Variants in PAK6 observed in about 807,000 individuals in gnomAD.
PAK6 encodes the protein serine/threonine-protein kinase PAK 6.
In PAK6, 33 loss-of-function variants were observed where a neutral mutation model predicts 60.8. The ratio of observed to expected loss-of-function variants is 0.54; its 90% confidence interval spans 0.41 to 0.73. The LOEUF (loss-of-function observed/expected upper bound fraction) is 0.73, where lower values mean the gene tolerates loss of function less well. Among genes scored for constraint, PAK6 ranks in the 30% least tolerant of loss-of-function variants. The pLI is 0.00. For synonymous variants in PAK6, 404 were observed against 378.5 expected, an observed-to-expected ratio of 1.07 and a Z score of -0.78; for missense variants, 845 against 904.1, an observed-to-expected ratio of 0.93 and a Z score of 0.84.
exon 8 of PAK6, chr15:40,273,425 C>T (rs1423018143): frequency 6.2e-7 from 1 of 1,613,980 alleles, no homozygotes; most frequent in Non-Finnish European, 8.5e-7. Context: ...GGGTGTCATC[C>T]ACCGGGACAT....
At chr15:40,243,468 G>A (rs1473116252) in intron 2 of PAK6, among the ~76,000 whole-genome samples, 1 of 152,190 alleles carries the variant, frequency 6.6e-6, no homozygotes, top group African/African-American at 2.4e-5. Context: ...GATTAAATAA[G>A]ATAATAAGTG....
At chr15:40,241,454 G>A (rs957781181) in intron 2 of PAK6, among the ~76,000 whole-genome samples, 2 of 109,542 alleles carry the variant, frequency 1.8e-5, no homozygotes, top group South Asian at 3.4e-4. Flanking sequence ...TCAGCCCCAC[G>A]GGAGCTCATC....
At chr15:40,258,497 T>A (rs1359201898) in intron 3 of PAK6, 4 of 152,256 alleles carry the variant, frequency 2.6e-5, no homozygotes, top group African/African-American at 9.6e-5. Flanking sequence ...GAGGGTTAAA[T>A]GAGCTAACCC....
intron 2 of PAK6, among the ~76,000 whole-genome samples, 199 bp downstream of exon 2, chr15:40,240,880 T>C (rs2038309996): frequency 6.6e-6 from 1 of 152,186 alleles, no homozygotes; most frequent in South Asian, 2.1e-4. Flanking sequence ...CCAGCTGGTC[T>C]CTGGCTCCCT....
chr15:40,272,324 C>T (rs965694957), exon 6 of PAK6: 37 of 1,613,870 alleles, frequency 2.3e-5, no homozygotes, highest in Non-Finnish European at 2.9e-5. Context: ...ACCTTCAGCC[C>T]TCTGACCACT....
intron 2 of PAK6, among the ~76,000 whole-genome samples, chr15:40,240,958 CA>C (rs1486649861): frequency 4.6e-5 from 7 of 152,218 alleles, no homozygotes; most frequent in Admixed American, 3.3e-4. Context: ...GCCACCGGGA[CA>C]CCCCTATCCA....
intron 9 of PAK6, 196 bp downstream of exon 9, chr15:40,273,872 T>C: frequency 1.4e-6 from 1 of 718,748 alleles, no homozygotes; most frequent in Non-Finnish European, 2.3e-6. Flanking sequence ...CTGCAAGTGC[T>C]TTCCTCAGCT....
exon 6 of PAK6, chr15:40,272,417 C>T (rs755041870): frequency 6.2e-7 from 1 of 1,613,372 alleles, no homozygotes; most frequent in East Asian, 2.2e-5. Flanking sequence ...CCAGCGGGAT[C>T]CCCCCGCACC....
rs111925292 is a variant in PAK6, at chr15:40,263,638, A to C, written c.-5-1143A>C. Among the ~76,000 whole-genome samples, 972 of 151,588 alleles carry C rather than the reference A, an allele frequency of 6.4e-3. 12 individuals are homozygous for C. Among genetic ancestry groups the C allele is most frequent in the African/African-American group, 0.021 (859 of 40,894 alleles). The stretch of plus-strand genomic sequence containing the variant: ...TGTTTTATTGTTTGTTTTTTGAGAC[A>C]GAGTCTCATTCTGTTGCCCAGGCTG... On this transcript the variant is annotated intron_variant, in intron 3 of 10. Transcript: ENST00000560346.
chr15:40,275,866 A>C, intron 10 of PAK6, 61 bp from the exon 11 acceptor site: 1 of 1,483,824 alleles, frequency 6.7e-7, no homozygotes. Flanking sequence ...AAGTCCAGGC[A>C]ATCAGGTCAC....
intron 10 of PAK6, among the ~76,000 whole-genome samples, chr15:40,275,576 C>A (rs991360872): frequency 9.9e-5 from 15 of 152,208 alleles, no homozygotes; most frequent in Admixed American, 8.5e-4. Context: ...TGAGCCACTG[C>A]GCCCAGCGAC....
intron 5 of PAK6, among the ~76,000 whole-genome samples, chr15:40,269,448 A>G (rs891270874): frequency 1.3e-5 from 2 of 152,240 alleles, no homozygotes; most frequent in Non-Finnish European, 2.9e-5. Context: ...CTGTAAATGT[A>G]TGCATGACTC....
exon 4 of PAK6, chr15:40,264,921 A>T (rs766638892): frequency 6.2e-6 from 10 of 1,613,710 alleles, no homozygotes; most frequent in African/African-American, 1.3e-5. Flanking sequence ...CATCCTGGAC[A>T]CACTGCGGCG....
At chr15:40,249,953 A>G (rs1286505466) in intron 2 of PAK6, among the ~76,000 whole-genome samples, 2 of 152,246 alleles carry the variant, frequency 1.3e-5, no homozygotes, top group Non-Finnish European at 2.9e-5. Context: ...CCCAATTTGT[A>G]GAATGGGAGT....
chr15:40,252,237 C>G, intron 2 of PAK6: 1 of 1,189,328 alleles, frequency 8.4e-7, no homozygotes, highest in African/African-American at 1.6e-5. Flanking sequence ...GGCTCTGGAG[C>G]GTGCATCTGC....
At chr15:40,264,690 A>C (rs1292621266) in intron 3 of PAK6, 91 bp from the exon 4 acceptor site, 1 of 1,017,304 alleles carries the variant, frequency 9.8e-7, no homozygotes, top group African/African-American at 1.6e-5. Flanking sequence ...GTGCTGGGGG[A>C]GGGGAGGGAG....
At chr15:40,259,856 A>T (rs2038939760) in intron 3 of PAK6, 1 of 151,060 alleles carries the variant, frequency 6.6e-6, no homozygotes, top group Non-Finnish European at 1.5e-5. Context: ...AGGAAAACTT[A>T]GAAAAAGAGT....
At chr15:40,264,398 G>A in intron 3 of PAK6, 1 of 464,322 alleles carries the variant, frequency 2.2e-6, no homozygotes, top group South Asian at 1.6e-5. Flanking sequence ...AAACAAGCTT[G>A]CTAACTTTCC....
At chr15:40,267,885 G>C (rs753809985) in intron 5 of PAK6, among the ~76,000 whole-genome samples, 2 of 152,170 alleles carry the variant, frequency 1.3e-5, no homozygotes, top group Non-Finnish European at 2.9e-5. Flanking sequence ...GTGAGATTCG[G>C]AGCTTGACCT....
Sources: allele counts gnomAD v4.1 joint callset (sites outside exome capture counted in the v4.1 genomes callset), GRCh38; gene constraint gnomAD v4.1.1; transcripts MANE v1.5; gene names NCBI Gene and HGNC (gene_info 2026-07-23, HGNC 2026-07-21).